NRG2: variants seen among roughly 807,000 people sequenced by gnomAD.
The protein encoded by NRG2 is pro-neuregulin-2, membrane-bound isoform.
NRG2 carries 27 observed loss-of-function variants against 73.9 expected under a neutral mutation model. The ratio of observed to expected loss-of-function variants is 0.37; its 90% CI spans 0.27 to 0.50. The LOEUF is 0.50. Ranked by LOEUF, NRG2 falls within the 20% of genes least tolerant of loss-of-function variation. NRG2 has a pLI of 0.96. For missense variants in NRG2, 1,126 were observed against 1,210.1 expected (o/e 0.93, Z 1.03); for synonymous variants, 532 against 541.0 (o/e 0.98, Z 0.23).
At position 139,868,809 on chromosome 5, in the gene NRG2, A is replaced by T. The variant is rs915040661; in HGVS notation, c.1112+2912T>A. 6.6e-6 allele frequency among the ~76,000 whole-genome samples: 1 copy of T among 151,640 alleles called. No homozygotes were observed. The highest frequency in any genetic ancestry group is 1.5e-5 in the Non-Finnish European group (1 of 67,890). On this transcript the variant is annotated intron_variant, in intron 4 of 9. Coordinates refer to ENST00000361474, the MANE Select transcript of NRG2 (RefSeq NM_004883.3). The surrounding 1 kb of genome is among the most constrained non-coding windows in gnomAD (Gnocchi z 4.2). The stretch of plus-strand genomic sequence containing the variant: ...TCATGAGAGGGGTGAAGATGTGGCG[A>T]GGATGAGCAGGCAGATGGAGGTGGG...
At position 139,858,396 on chromosome 5, in the gene NRG2, CACTTCGCT is replaced by C. The variant is rs1284191144; in HGVS notation, c.1190-2626_1190-2619del. 2.6e-5 allele frequency among the ~76,000 whole-genome samples: 4 copies of C among 152,312 alleles called. No individual in the cohort carries two copies. The East Asian group carries it at 7.7e-4, about 29-fold the overall frequency. ...CCTCCTCAGATAAATCTTCCCTGAC[CACTTCGCT>C]ACACTAGCACCCCACTCCAGCCAGG... On this transcript the variant is annotated intron_variant, in intron 5 of 9. Transcript: ENST00000361474.
At chr5:139,883,566 A>G (rs1369309016) in intron 2 of NRG2, among the ~76,000 whole-genome samples, 1 of 151,998 alleles carries the variant, frequency 6.6e-6, no homozygotes, top group Non-Finnish European at 1.5e-5. Flanking sequence ...GGGCAGGGAG[A>G]GTGCTAGGAG....
At position 139,851,902 on chromosome 5, in the gene NRG2, G is replaced by T; in HGVS notation, c.1545-71C>A. ...GGCGGCCCAGCAGGTGTGGTCCCAT[G>T]GACCTCCCTGGCTCTTCTTCCACCT... On this transcript the variant is annotated intron_variant, in intron 8 of 9. Coordinates refer to ENST00000361474, the MANE Select transcript of NRG2 (RefSeq NM_004883.3). The surrounding 1 kb of genome is among the most constrained non-coding windows in gnomAD (Gnocchi z 4.2). 2 of 1,320,976 alleles carry T rather than the reference G, an allele frequency of 1.5e-6. No homozygotes were observed. The highest frequency in any genetic ancestry group is 2.1e-6 in the Non-Finnish European group (2 of 935,294). The allele number at this position is 1,320,976 out of a possible 1,614,324, so 81.8% of individuals were successfully genotyped here.
chr5:139,982,762 C>A (rs1302310498), intron 1 of NRG2, among the ~76,000 whole-genome samples: 1 of 152,198 alleles, frequency 6.6e-6, no homozygotes, highest in Non-Finnish European at 1.5e-5. Context: ...AGGCGCCTTG[C>A]TTTCCCCTGG....
intron 2 of NRG2, among the ~76,000 whole-genome samples, chr5:139,883,297 C>A (rs2127113820): frequency 6.7e-6 from 1 of 148,680 alleles, no homozygotes; most frequent in South Asian, 2.2e-4. Context: ...CAGCTGTGTC[C>A]TCCACATTTT....
intron 1 of NRG2, among the ~76,000 whole-genome samples, chr5:139,965,021 G>A (rs1422317178): frequency 2.0e-5 from 3 of 152,208 alleles, no homozygotes; most frequent in Admixed American, 2.0e-4. Context: ...CTTGATGCAC[G>A]GGCACTAGGA....
intron 1 of NRG2, among the ~76,000 whole-genome samples, chr5:139,914,735 G>A (rs1030978585): frequency 6.6e-6 from 1 of 152,164 alleles, no homozygotes; most frequent in Non-Finnish European, 1.5e-5. Flanking sequence ...ATTCATTCCT[G>A]CCCGTTTCTT....
chr5:139,893,465 T>C (rs1028937737), intron 1 of NRG2, among the ~76,000 whole-genome samples: 7 of 152,172 alleles, frequency 4.6e-5, no homozygotes, highest in African/African-American at 7.2e-5. Flanking sequence ...AAGTTCTGTG[T>C]GCACAAGAAA....
At chr5:140,042,313 A>G in intron 1 of NRG2, 57 bp downstream of exon 1, 1 of 526,502 alleles carries the variant, frequency 1.9e-6, no homozygotes, top group Non-Finnish European at 2.3e-6. Flanking sequence ...CCCCACCCCC[A>G]TTCTCCACCA....
At chr5:139,912,077 C>T (rs139934873) in intron 1 of NRG2, among the ~76,000 whole-genome samples, 138 of 152,224 alleles carry the variant, frequency 9.1e-4, no homozygotes, top group Non-Finnish European at 1.6e-3. Context: ...GAGTGGCCCA[C>T]CCTCTTGGAT....
intron 1 of NRG2, among the ~76,000 whole-genome samples, chr5:139,933,447 A>G (rs1202532337): frequency 6.6e-6 from 1 of 152,238 alleles, no homozygotes; most frequent in Non-Finnish European, 1.5e-5. Flanking sequence ...AAACTGGAAT[A>G]GCTCTCTTAA....
In NRG2 at chr5:139,853,146, C is replaced by T; in HGVS notation, c.1293-119G>A. On this transcript the variant is annotated intron_variant, in intron 6 of 9. Coordinates refer to ENST00000361474, the MANE Select transcript of NRG2 (RefSeq NM_004883.3). This position sits in a 1 kb window ranked among gnomAD's most constrained non-coding sequence, Gnocchi z 4.1. ...CTGCCCAGGGTGGCCATGGCTACTG[C>T]TCGTCCCTGTACTCAAGCTGCCCTA... The T allele has an allele frequency of 7.2e-7, 1 of 1,384,298 alleles. No individual in the cohort carries two copies. The highest frequency in any genetic ancestry group is 1.0e-6 in the Non-Finnish European group (1 of 1,005,008). 85.8% of individuals were successfully genotyped at this position (1,384,298 alleles called of 1,614,324 possible).
intron 1 of NRG2, among the ~76,000 whole-genome samples, chr5:139,975,577 T>C (rs1416481225): frequency 6.6e-6 from 1 of 152,200 alleles, no homozygotes; most frequent in Non-Finnish European, 1.5e-5. Context: ...GCAGTCCTGC[T>C]CACTTCCTTA....
intron 1 of NRG2, among the ~76,000 whole-genome samples, chr5:139,897,069 T>G (rs1490787659): frequency 6.6e-6 from 1 of 152,294 alleles, no homozygotes; most frequent in South Asian, 2.1e-4. Flanking sequence ...AACTTGCCCA[T>G]GCCTATTCTG....
intron 1 of NRG2, among the ~76,000 whole-genome samples, chr5:140,012,796 C>T (rs1018930357): frequency 2.6e-5 from 4 of 152,188 alleles, no homozygotes; most frequent in Admixed American, 2.6e-4. Flanking sequence ...TCCATTCATT[C>T]ATGATCAATT....
chr5:140,007,437 C>T (rs916639689), intron 1 of NRG2, among the ~76,000 whole-genome samples: 2 of 151,902 alleles, frequency 1.3e-5, no homozygotes, highest in South Asian at 2.1e-4. Context: ...AGAGCCATAA[C>T]AGACACAAGC....
intron 1 of NRG2, among the ~76,000 whole-genome samples, chr5:139,910,334 G>A (rs1301075410): frequency 1.3e-5 from 2 of 152,108 alleles, no homozygotes; most frequent in Admixed American, 6.5e-5. Flanking sequence ...GTTCCCCTCA[G>A]AATTGTGCCT....
intron 9 of NRG2, 55 bp from the exon 10 acceptor site, chr5:139,848,752 G>C: frequency 1.3e-6 from 1 of 798,526 alleles, no homozygotes; most frequent in Non-Finnish European, 1.8e-6. Context: ...GCGCGGGGGA[G>C]GGGGGGTTGG....
At chr5:140,032,176 G>A (rs1279475788) in intron 1 of NRG2, among the ~76,000 whole-genome samples, 2 of 152,174 alleles carry the variant, frequency 1.3e-5, no homozygotes, top group Non-Finnish European at 2.9e-5. Flanking sequence ...AGCATGAACA[G>A]GCCAGATTAA....
Sources: allele counts gnomAD v4.1 joint callset (sites outside exome capture counted in the v4.1 genomes callset), GRCh38; gene constraint gnomAD v4.1.1; non-coding constraint Gnocchi (gnomAD v3.1); transcripts MANE v1.5; gene names NCBI Gene and HGNC (gene_info 2026-07-23, HGNC 2026-07-21).